TVP23C: variants seen among roughly 807,000 people sequenced by gnomAD.
TVP23C encodes trans-golgi network vesicle protein 23 homolog C, also known as Golgi apparatus membrane protein TVP23 homolog C.
In TVP23C, 19 loss-of-function variants were observed where a neutral mutation model predicts 28.7. The ratio of observed to expected loss-of-function variants is 0.66; its 90% CI spans 0.46 to 0.97. TVP23C has a LOEUF of 0.97. TVP23C is among the 50% of genes least tolerant of loss of function. The pLI is 0.00. For synonymous variants in TVP23C, 68 were observed against 81.7 expected, an observed-to-expected ratio of 0.83 and a Z score of 0.90; for missense variants, 186 against 241.3, an observed-to-expected ratio of 0.77 and a Z score of 1.52.
intron 5 of TVP23C, among the ~76,000 whole-genome samples, chr17:15,504,570 T>C (rs951895629): frequency 1.9e-4 from 16 of 84,288 alleles, no homozygotes; most frequent in Non-Finnish European, 2.9e-4. Context: ...ATAAAGACAA[T>C]TTTTTTTTAA....
In TVP23C at chr17:15,551,265, AT is replaced by A. The variant is rs1258749974; in HGVS notation, c.240+2419del. The stretch of plus-strand genomic sequence containing the variant: ...AGGCGCCTGCCACCATGCCCGGCTC[AT>A]TTTTTTTTTTTTTTTTTTTTTAGCA... On this transcript the variant is annotated intron_variant, in intron 3 of 5. Transcript: ENST00000518321. Among the ~76,000 whole-genome samples the A allele has an allele frequency of 6.1e-3, 702 of 115,322 alleles. 4 individuals carry two copies. Among genetic ancestry groups the A allele is most frequent in the Admixed American group, 7.8e-3 (85 of 10,844 alleles). 75.7% of individuals were successfully genotyped at this position (115,322 alleles called of 152,430 possible). A position where few individuals can be genotyped will look rare whatever the true frequency, so the allele number is the denominator to read the frequency against.
At position 15,538,512 on chromosome 17, in the gene TVP23C, C is replaced by T. The variant is rs1983258592; in HGVS notation, c.*1900G>A. The T allele has an allele frequency of 5.0e-6, 4 of 806,464 alleles. No homozygotes were observed. The highest frequency in any genetic ancestry group is 5.6e-5 in the South Asian group (1 of 17,748). 50.0% of individuals were successfully genotyped at this position (806,464 alleles called of 1,614,324 possible). On this transcript the variant is annotated 3_prime_UTR_variant, in exon 6 of 6. Coordinates refer to ENST00000518321, the MANE Select transcript of TVP23C (RefSeq NM_001135036.2). ...GGCTGAGGCAGAAGAATAGTATGAA[C>T]CCGGGAGGTGGAGTTTGCAGTGAGC...
At chr17:15,553,522 GAAAA>G (rs565524290) in intron 3 of TVP23C, among the ~76,000 whole-genome samples, 159 bp downstream of exon 3, 2 of 118,990 alleles carry the variant, frequency 1.7e-5, no homozygotes, top group East Asian at 3.0e-4. Flanking sequence ...GGGAAAAAAT[GAAAA>G]AAAAAAAAAA....
rs1232904040 is a variant in TVP23C at position 15,538,844 on chromosome 17, T to C, written c.*1568A>G. ...CACATACATGAAAGTTACCCTAAGG[T>C]GGACCACAGTAAAGGTATATTGGAG... On this transcript the variant is annotated 3_prime_UTR_variant, in exon 6 of 6. Coordinates refer to ENST00000518321, the MANE Select transcript of TVP23C (RefSeq NM_001135036.2). 3 of 985,722 alleles carry C rather than the reference T, an allele frequency of 3.0e-6. No homozygotes were observed. The highest frequency in any genetic ancestry group is 3.5e-5 in the African/African-American group (2 of 57,226). The allele number at this position is 985,722 out of a possible 1,614,324, so 61.1% of individuals were successfully genotyped here. A position where few individuals can be genotyped will look rare whatever the true frequency, so the allele number is the denominator to read the frequency against.
chr17:15,552,101 T>G (rs1022429953), intron 3 of TVP23C, among the ~76,000 whole-genome samples: 3 of 152,138 alleles, frequency 2.0e-5, no homozygotes, highest in Non-Finnish European at 2.9e-5. Context: ...CCAGAAAAAT[T>G]TTAAGAATTT....
chr17:15,553,625 T>C, intron 3 of TVP23C, 60 bp downstream of exon 3: 3 of 1,544,334 alleles, frequency 1.9e-6, no homozygotes, highest in Non-Finnish European at 1.7e-6. Context: ...AATGCTGTCA[T>C]ATTTTTATAC....
intron 5 of TVP23C, among the ~76,000 whole-genome samples, chr17:15,524,341 G>T (rs1273562103): frequency 2.0e-5 from 3 of 152,036 alleles, no homozygotes; most frequent in Non-Finnish European, 4.4e-5. Context: ...TGATTAAACA[G>T]CCATTGAGCA....
chr17:15,556,075 C>A (rs1984118499), intron 1 of TVP23C, among the ~76,000 whole-genome samples: 1 of 152,128 alleles, frequency 6.6e-6, no homozygotes, highest in Non-Finnish European at 1.5e-5. Flanking sequence ...TGCCACCACA[C>A]CCAGCTAATT....
In TVP23C at chr17:15,506,120, C is replaced by G. The variant is rs8064272; in HGVS notation, c.463-2888G>C. Among the ~76,000 whole-genome samples the G allele has an allele frequency of 3.5e-4, 53 of 152,344 alleles. 1 individual carries two copies. In the East Asian group the frequency reaches 6.9e-3, roughly 20 times the overall value. On this transcript the variant is annotated intron_variant, in intron 5 of 5. Coordinates refer to the TVP23C transcript ENST00000225576. ...GGCAGCTCCACCTGCAGCCCCGGTG[C>G]GGGATCCACTAGGTGAAGCCAGCTG...
intron 3 of TVP23C, among the ~76,000 whole-genome samples, chr17:15,549,745 G>C (rs533209694): frequency 6.6e-6 from 1 of 152,102 alleles, no homozygotes; most frequent in Non-Finnish European, 1.5e-5. Flanking sequence ...AAGACACATG[G>C]AGAGGCCTTA....
At position 15,547,041 on chromosome 17, in the gene TVP23C, AC is replaced by A. The variant is rs765474017; in HGVS notation, c.330+17del. On this transcript the variant is annotated intron_variant, in intron 4 of 5. Transcript: ENST00000518321. Reference sequence around the variant, plus strand: ...AATTTAGCTGATAACATTATTTAAAACAAAAAAGGCACTTTACCTTTCTAGA... The same window carrying A: ...AATTTAGCTGATAACATTATTTAAAAAAAAAAGGCACTTTACCTTTCTAGA... The A allele has an allele frequency of 1.3e-6, 2 of 1,552,894 alleles. No homozygotes were observed. Among genetic ancestry groups the A allele is most frequent in the African/African-American group, 2.8e-5 (2 of 71,760 alleles).
At chr17:15,517,212 T>C (rs1013350409) in intron 5 of TVP23C, among the ~76,000 whole-genome samples, 5 of 152,206 alleles carry the variant, frequency 3.3e-5, no homozygotes, top group African/African-American at 1.2e-4. Context: ...TAATAAGCTT[T>C]CTGTGGCTTG....
chr17:15,502,963 G>A, exon 6 of TVP23C: 2 of 1,614,192 alleles, frequency 1.2e-6, no homozygotes, highest in Non-Finnish European at 1.7e-6. Context: ...AAAGCCGCAA[G>A]GAGAGAAATA....
intron 5 of TVP23C, among the ~76,000 whole-genome samples, chr17:15,514,197 AG>A (rs1982126536): frequency 6.6e-6 from 1 of 152,242 alleles, no homozygotes; most frequent in Non-Finnish European, 1.5e-5. Context: ...TTCGAGTTGG[AG>A]CAGCCTTTTC....
In TVP23C at chr17:15,503,073, TC is replaced by T. The variant is rs780107332; in HGVS notation, c.621del (p.Ile208SerfsTer76). ...TTCCAGTAAAGAGCTCGATCCGTGA[TC>T]CTCGTGAAAGAATTAATGTCTACCT... On this transcript the variant is annotated frameshift_variant, in exon 6 of 6. Coordinates refer to the TVP23C transcript ENST00000225576. LOFTEE classifies it low-confidence loss of function (END_TRUNC). 6.2e-7 allele frequency: 1 copy of T among 1,614,156 alleles called. No homozygotes were observed. The highest frequency in any genetic ancestry group is 8.5e-7 in the Non-Finnish European group (1 of 1,180,040).
At chr17:15,516,167 T>C (rs1982217955) in intron 5 of TVP23C, among the ~76,000 whole-genome samples, 1 of 152,172 alleles carries the variant, frequency 6.6e-6, no homozygotes, top group Admixed American at 6.5e-5. Context: ...GTCTCAGGTA[T>C]GTCTTTAGAG....
intron 5 of TVP23C, among the ~76,000 whole-genome samples, chr17:15,519,012 C>A (rs1388354786): frequency 6.6e-6 from 1 of 152,152 alleles, no homozygotes; most frequent in Non-Finnish European, 1.5e-5. Flanking sequence ...CACTCTCTCT[C>A]GCTCTCCTGC....
chr17:15,536,198 A>G (rs1983148667), downstream of TVP23C, among the ~76,000 whole-genome samples: 2 of 152,206 alleles, frequency 1.3e-5, no homozygotes, highest in Non-Finnish European at 2.9e-5. Context: ...TTTCAAAAAA[A>G]AAAATTCAGA....
In TVP23C at chr17:15,538,200, T is replaced by C; in HGVS notation, c.*2212A>G. 6.2e-7 allele frequency: 1 copy of C among 1,613,562 alleles called. No homozygotes were observed. The highest frequency in any genetic ancestry group is 1.7e-4 in the Middle Eastern group (1 of 6,054). Reference sequence around the variant, plus strand: ...CTCCTTAACATCAAAGTTATTTCACTTCACACACCATGGACTTGGGGCCTA... The same window carrying C: ...CTCCTTAACATCAAAGTTATTTCACCTCACACACCATGGACTTGGGGCCTA... On this transcript the variant is annotated 3_prime_UTR_variant, in exon 6 of 6. Coordinates refer to ENST00000518321, the MANE Select transcript of TVP23C (RefSeq NM_001135036.2).
Sources: gnomAD v4.1 joint callset for allele counts (sites outside exome capture counted in the v4.1 genomes callset) on GRCh38, gnomAD v4.1.1 for gene constraint, MANE v1.5 for transcripts, NCBI Gene and HGNC (gene_info 2026-07-23, HGNC 2026-07-21) for gene names.